MYL2: variants seen among roughly 807,000 people sequenced by gnomAD.
MYL2 encodes the protein myosin light chain 2, also known as myosin regulatory light chain 2, ventricular/cardiac muscle isoform.
MYL2 carries 19 observed loss-of-function variants against 23.0 expected under a neutral mutation model. The observed-to-expected ratio is 0.83, with a 90% CI of 0.58 to 1.21. The LOEUF is 1.21. Ranked by LOEUF, MYL2 falls within the 50% of genes most tolerant of loss-of-function variation. The probability of loss-of-function intolerance (pLI) is 0.00; values close to 1 mark genes in which losing one functional copy is unlikely to be tolerated. For synonymous variants in MYL2, 78 were observed against 76.2 expected (o/e 1.02, Z -0.13); for missense variants, 180 against 215.1 (o/e 0.84, Z 1.02).
rs2071675045 is a variant in MYL2 at position 110,914,300 on chromosome 12, G to A, written c.170-10C>T. The A allele has an allele frequency of 6.2e-7, 1 of 1,601,736 alleles. No individual in the cohort carries two copies. Among genetic ancestry groups the A allele is most frequent in the African/African-American group, 1.3e-5 (1 of 74,644 alleles). On this transcript the variant is annotated splice_polypyrimidine_tract_variant and intron_variant, in intron 3 of 6. Transcript: ENST00000228841. The stretch of plus-strand genomic sequence containing the variant: ...TTCACGTTCACTCGCCCTAGGGTAG[G>A]AAACACACACTCAGGGACTCCGAGC...
At chr12:110,921,084 C>T (rs1163219678), upstream of MYL2, among the ~76,000 whole-genome samples, 2 of 152,220 alleles carry the variant, frequency 1.3e-5, no homozygotes, top group Non-Finnish European at 2.9e-5. Context: ...TGAAGGCTGG[C>T]ACTGTGGCTC....
chr12:110,920,557 G>T lies in MYL2; in HGVS notation c.-28C>A. The T allele has an allele frequency of 6.2e-7, 1 of 1,614,076 alleles. No homozygotes were observed. The highest frequency in any genetic ancestry group is 8.5e-7 in the Non-Finnish European group (1 of 1,180,014). On this transcript the variant is annotated 5_prime_UTR_variant, in exon 1 of 7. Coordinates refer to ENST00000228841, the MANE Select transcript of MYL2 (RefSeq NM_000432.4). ...TGGAAAGGACCCAGCACTGCCTCCCGAGAAGAATTCCACACTCCGCCCAGC... is the reference window on the plus strand; with the variant it reads ...TGGAAAGGACCCAGCACTGCCTCCCTAGAAGAATTCCACACTCCGCCCAGC...
rs189458958 is a variant in MYL2 at position 110,918,919 on chromosome 12, A to G, written c.93+185T>C. On this transcript the variant is annotated intron_variant, in intron 2 of 6. Coordinates refer to ENST00000228841, the MANE Select transcript of MYL2 (RefSeq NM_000432.4). The surrounding 1 kb of genome is among the most constrained non-coding windows in gnomAD (Gnocchi z 4.4). ...ACATGGAATATGTTTTACTTTGATAATCAGTGAAAATATTAAAAATAGTTT... is the reference window on the plus strand; with the variant it reads ...ACATGGAATATGTTTTACTTTGATAGTCAGTGAAAATATTAAAAATAGTTT... 4 of 591,700 alleles carry G rather than the reference A, an allele frequency of 6.8e-6. No individual in the cohort carries two copies. Among genetic ancestry groups the G allele is most frequent in the Non-Finnish European group, 1.2e-5 (4 of 346,204 alleles). The allele number at this position is 591,700 out of a possible 1,614,324, so 36.7% of individuals were successfully genotyped here.
intron 1 of MYL2, among the ~76,000 whole-genome samples, chr12:110,919,855 C>T (rs984253756): frequency 6.6e-6 from 1 of 152,218 alleles, no homozygotes; most frequent in African/African-American, 2.4e-5. Flanking sequence ...ATTCTCATAA[C>T]CACTCTGTCA....
intron 6 of MYL2, among the ~76,000 whole-genome samples, chr12:110,912,207 GTTGACGGCACCA>G (rs1177484902): frequency 6.6e-6 from 1 of 152,052 alleles, no homozygotes; most frequent in African/African-American, 2.4e-5. Flanking sequence ...CACTAATAAG[GTTGACGGCACCA>G]TTGCTTGCTC....
intron 4 of MYL2, 23 bp downstream of exon 4, chr12:110,914,163 C>T (rs2071673391): frequency 6.8e-7 from 1 of 1,474,744 alleles, no homozygotes; most frequent in Non-Finnish European, 9.5e-7. Flanking sequence ...CACACAGACA[C>T]ACACACACAC....
chr12:110,920,386 C>T lies in MYL2; in HGVS notation c.3+141G>A, dbSNP rs532825845. ...ATTGATTGGGGTTCCTCTGTGCCCG[C>T]GCAGTCAATGGGGCTTTTTCCACAA... On this transcript the variant is annotated intron_variant, in intron 1 of 6. Transcript: ENST00000228841. The T allele has an allele frequency of 1.1e-4, 131 of 1,185,566 alleles. 1 individual carries two copies. The highest frequency in any genetic ancestry group is 7.5e-4 in the South Asian group (62 of 82,124). 73.4% of individuals were successfully genotyped at this position (1,185,566 alleles called of 1,614,324 possible).
At chr12:110,913,037 C>G (rs549226413) in intron 6 of MYL2, 59 bp downstream of exon 6, 14 of 1,583,530 alleles carry the variant, frequency 8.8e-6, no homozygotes, top group Admixed American at 1.7e-5. Context: ...GGAGACGGAG[C>G]CCCCCAGAAG....
At chr12:110,920,388 C>T in intron 1 of MYL2, 139 bp downstream of exon 1, 1 of 1,215,562 alleles carries the variant, frequency 8.2e-7, no homozygotes. Context: ...TGTGCCCGCG[C>T]AGTCAATGGG....
chr12:110,916,302 T>C (rs61943000), intron 2 of MYL2, among the ~76,000 whole-genome samples: 21,952 of 152,220 alleles, frequency 0.14, 2,188 homozygotes, highest in African/African-American at 0.28. Flanking sequence ...TGCCACTGCA[T>C]TCCAACCTGG....
chr12:110,911,744 C>T lies in MYL2; in HGVS notation c.403-569G>A, dbSNP rs529143841. Among the ~76,000 whole-genome samples the T allele has an allele frequency of 1.9e-4, 29 of 152,300 alleles. 1 individual carries two copies. Among genetic ancestry groups the T allele is most frequent in the African/African-American group, 3.9e-4 (16 of 41,558 alleles). ...TAGGTCCTATGGCTAAATGGAGACA[C>T]GTGGCCATCTAAAAAGGTGACATGA... On this transcript the variant is annotated intron_variant, in intron 6 of 6. Transcript: ENST00000228841.
upstream of MYL2, chr12:110,920,724 C>T: frequency 2.7e-6 from 2 of 753,468 alleles, no homozygotes; most frequent in Non-Finnish European, 4.5e-6. Flanking sequence ...GGGTGGCTCA[C>T]TCGCCACTGG....
chr12:110,921,442 C>T (rs2071727723), upstream of MYL2, among the ~76,000 whole-genome samples: 1 of 152,208 alleles, frequency 6.6e-6, no homozygotes, highest in Non-Finnish European at 1.5e-5. Flanking sequence ...GAGGCAGTCC[C>T]GAACACTGCC....
intron 1 of MYL2, 60 bp downstream of exon 1, chr12:110,920,467 G>A: frequency 6.2e-7 from 1 of 1,613,358 alleles, no homozygotes; most frequent in Middle Eastern, 1.7e-4. Flanking sequence ...TCCCTCGCTT[G>A]TAGTGGCTTC....
At chr12:110,911,232 G>GT (rs1592798725) in intron 6 of MYL2, 57 bp from the exon 7 acceptor site, 1 of 766,332 alleles carries the variant, frequency 1.3e-6, no homozygotes, top group East Asian at 3.8e-5. Context: ...GAGACGGAGG[G>GT]TGGGGGGCTG....
Position 110,918,856 on chromosome 12 carries a change from T to C in MYL2, c.93+248A>G. The C allele has an allele frequency of 1.9e-6, 1 of 516,780 alleles. No homozygotes were observed. The highest frequency in any genetic ancestry group is 1.9e-5 in the African/African-American group (1 of 52,370). 32.0% of individuals were successfully genotyped at this position (516,780 alleles called of 1,614,324 possible). On this transcript the variant is annotated intron_variant, in intron 2 of 6. Transcript: ENST00000228841. The surrounding 1 kb of genome is among the most constrained non-coding windows in gnomAD (Gnocchi z 4.4). Reference sequence around the variant, plus strand: ...GAATTGTAGGTAGTTTTTATTTCCTTTTCTGTGCTTTTCTGAAAAATTTTC... The same window carrying C: ...GAATTGTAGGTAGTTTTTATTTCCTCTTCTGTGCTTTTCTGAAAAATTTTC...
At chr12:110,915,517 A>G (rs781393057) in intron 3 of MYL2, among the ~76,000 whole-genome samples, 198 bp downstream of exon 3, 36 of 117,866 alleles carry the variant, frequency 3.1e-4, no homozygotes, top group South Asian at 6.0e-4. Context: ...ATTTCAAGAG[A>G]AAAAAAAGAT....
chr12:110,920,687 C>T, upstream of MYL2: 1 of 1,007,914 alleles, frequency 9.9e-7, no homozygotes, highest in Non-Finnish European at 1.5e-6. Context: ...TAAGGCCCCC[C>T]CACCCCATGC....
chr12:110,911,191 A>G lies in MYL2; in HGVS notation c.403-16T>C, dbSNP rs2071650271. ...TCTGGTCAACCTGCAATGAGCCAGC[A>G]ACACGTGCTAAGGACGAGGGGAGGG... On this transcript the variant is annotated splice_polypyrimidine_tract_variant and intron_variant, in intron 6 of 6. Transcript: ENST00000228841. The G allele has an allele frequency of 1.4e-6, 2 of 1,429,642 alleles. No homozygotes were observed. The highest frequency in any genetic ancestry group is 3.7e-5 in the Admixed American group (2 of 54,456). The allele number at this position is 1,429,642 out of a possible 1,614,324, so 88.6% of individuals were successfully genotyped here.
Sources: allele counts gnomAD v4.1 joint callset (sites outside exome capture counted in the v4.1 genomes callset), GRCh38; gene constraint gnomAD v4.1.1; non-coding constraint Gnocchi (gnomAD v3.1); transcripts MANE v1.5; gene names NCBI Gene and HGNC (gene_info 2026-07-23, HGNC 2026-07-21).